UBE2G1: variants seen among roughly 807,000 people sequenced by gnomAD.
The protein encoded by UBE2G1 is ubiquitin-conjugating enzyme E2 G1.
Under a neutral mutation model 22.7 loss-of-function variants are expected in UBE2G1, and 5 were observed. That is an observed-to-expected ratio of 0.22 (90% CI 0.12 to 0.46). UBE2G1 has a LOEUF of 0.46. UBE2G1 is among the 20% of genes least tolerant of loss of function. UBE2G1 has a pLI of 0.99. For missense variants in UBE2G1, 88 were observed against 203.9 expected (o/e 0.43, Z 3.46); for synonymous variants, 74 against 67.5 (o/e 1.10, Z -0.47).
intron 1 of UBE2G1, among the ~76,000 whole-genome samples, chr17:4,309,598 G>C (rs1282609754): frequency 6.6e-6 from 1 of 152,126 alleles, no homozygotes; most frequent in African/African-American, 2.4e-5. Flanking sequence ...GTCAACTGAG[G>C]AACAGAGTGC....
At chr17:4,354,348 A>G (rs1969879868) in intron 1 of UBE2G1, among the ~76,000 whole-genome samples, 1 of 152,142 alleles carries the variant, frequency 6.6e-6, no homozygotes, top group Admixed American at 6.6e-5. Context: ...TAGTACACAA[A>G]ATGGGCATCA....
intron 1 of UBE2G1, chr17:4,364,299 T>TC: frequency 6.8e-6 from 1 of 147,466 alleles, no homozygotes; most frequent in Non-Finnish European, 1.5e-5. Flanking sequence ...AGTTCTTTTT[T>TC]TTTTTTTTTG....
At chr17:4,362,982 A>G (rs191865922) in intron 1 of UBE2G1, among the ~76,000 whole-genome samples, 338 of 152,172 alleles carry the variant, frequency 2.2e-3, no homozygotes, top group African/African-American at 7.7e-3. Flanking sequence ...AATTGGCCAG[A>G]CACAGTGGAG....
chr17:4,303,600 T>A (rs2143725236), intron 2 of UBE2G1, among the ~76,000 whole-genome samples: 1 of 152,322 alleles, frequency 6.6e-6, no homozygotes, highest in South Asian at 2.1e-4. Context: ...ATAAACCGCA[T>A]GGCATTACCA....
chr17:4,360,377 A>G (rs981003727), intron 1 of UBE2G1, among the ~76,000 whole-genome samples: 1 of 152,200 alleles, frequency 6.6e-6, no homozygotes, highest in African/African-American at 2.4e-5. Context: ...CCCTCCTGCC[A>G]ACAAAAAAAT....
At chr17:4,273,727 G>T (rs1379336047) in intron 5 of UBE2G1, among the ~76,000 whole-genome samples, 1 of 151,608 alleles carries the variant, frequency 6.6e-6, no homozygotes, top group Non-Finnish European at 1.5e-5. Flanking sequence ...GGGGGTGGGT[G>T]GGGGCGCCAA....
At chr17:4,313,786 C>T (rs1196179786) in intron 1 of UBE2G1, among the ~76,000 whole-genome samples, 1 of 152,118 alleles carries the variant, frequency 6.6e-6, no homozygotes, top group African/African-American at 2.4e-5. Context: ...CTCAGTAAAT[C>T]CTGGAGTATC....
At chr17:4,331,951 A>C (rs562607773) in intron 1 of UBE2G1, 7 of 152,304 alleles carry the variant, frequency 4.6e-5, no homozygotes, top group African/African-American at 1.4e-4. Flanking sequence ...TAAACACTAT[A>C]AATATATTAT....
chr17:4,272,335 T>C lies in UBE2G1; in HGVS notation c.*219A>G, dbSNP rs915089799. Reference sequence around the variant, plus strand: ...TCTTCCTGAAGGTTAAAACAGTTCATTAGAATTCAAAATGCGTAATCATCT... The same window carrying C: ...TCTTCCTGAAGGTTAAAACAGTTCACTAGAATTCAAAATGCGTAATCATCT... On this transcript the variant is annotated 3_prime_UTR_variant, in exon 6 of 6. Transcript: ENST00000396981. The C allele has an allele frequency of 1.7e-5, 3 of 174,810 alleles. No homozygotes were observed. Among genetic ancestry groups the C allele is most frequent in the Non-Finnish European group, 3.7e-5 (3 of 82,168 alleles). The allele number at this position is 174,810 out of a possible 1,614,324, so 10.8% of individuals were successfully genotyped here. A position where few individuals can be genotyped will look rare whatever the true frequency, so the allele number is the denominator to read the frequency against.
At chr17:4,348,806 A>C (rs965825974) in intron 1 of UBE2G1, among the ~76,000 whole-genome samples, 1 of 151,976 alleles carries the variant, frequency 6.6e-6, no homozygotes, top group Non-Finnish European at 1.5e-5. Context: ...GGTTGCAGTC[A>C]GCTGAGATTA....
intron 1 of UBE2G1, among the ~76,000 whole-genome samples, chr17:4,353,247 T>C (rs1163579266): frequency 6.6e-6 from 1 of 151,528 alleles, no homozygotes; most frequent in East Asian, 1.9e-4. Flanking sequence ...ACAAAAACTT[T>C]GAAAGAAAAA....
At chr17:4,303,453 AGG>A (rs892747815) in intron 2 of UBE2G1, among the ~76,000 whole-genome samples, 1 of 152,220 alleles carries the variant, frequency 6.6e-6, no homozygotes, top group Non-Finnish European at 1.5e-5. Flanking sequence ...TCCTAAGCAT[AGG>A]GTTTTTACCC....
intron 1 of UBE2G1, among the ~76,000 whole-genome samples, chr17:4,309,277 T>A (rs981282406): frequency 3.9e-5 from 6 of 152,130 alleles, no homozygotes; most frequent in Non-Finnish European, 8.8e-5. Flanking sequence ...AAATAAAAAA[T>A]TTATGTTTAA....
intron 5 of UBE2G1, among the ~76,000 whole-genome samples, chr17:4,279,716 A>G (rs1968860428): frequency 2.9e-5 from 4 of 135,904 alleles, no homozygotes; most frequent in South Asian, 2.5e-4. Flanking sequence ...CGGAGATTGC[A>G]GTGAGCCGAG....
At chr17:4,363,166 C>T (rs781302909) in intron 1 of UBE2G1, among the ~76,000 whole-genome samples, 12 of 152,168 alleles carry the variant, frequency 7.9e-5, no homozygotes, top group African/African-American at 2.2e-4. Flanking sequence ...GTGTAGTTAT[C>T]GAATCTTTCC....
At chr17:4,295,520 G>A (rs1458925126) in intron 3 of UBE2G1, among the ~76,000 whole-genome samples, 1 of 152,018 alleles carries the variant, frequency 6.6e-6, no homozygotes, top group Non-Finnish European at 1.5e-5. Flanking sequence ...TTCCTGTCTC[G>A]CTGATTCCAG....
intron 1 of UBE2G1, 85 bp from the exon 2 acceptor site, chr17:4,307,208 T>C: frequency 8.4e-7 from 1 of 1,184,516 alleles, no homozygotes; most frequent in Admixed American, 1.9e-5. Flanking sequence ...AGCGTACATG[T>C]TTTATGTAAG....
rs1243851807 is a variant in UBE2G1, at chr17:4,341,414, G to T, written c.46+24857C>A. Among the ~76,000 whole-genome samples the T allele has an allele frequency of 2.0e-5, 3 of 151,940 alleles. No individual in the cohort carries two copies. In the East Asian group the frequency reaches 5.8e-4, roughly 29 times the overall value. ...ATCAACTGCCCTTGCTCCTAATAAG[G>T]CTTCCAAACTGGCCAGTAATTAGAT... On this transcript the variant is annotated intron_variant, in intron 1 of 5. Coordinates refer to ENST00000396981, the MANE Select transcript of UBE2G1 (RefSeq NM_003342.5).
At chr17:4,365,216 A>G (rs1193566443) in intron 1 of UBE2G1, among the ~76,000 whole-genome samples, 1 of 152,202 alleles carries the variant, frequency 6.6e-6, no homozygotes, top group Non-Finnish European at 1.5e-5. Flanking sequence ...TGAACTGAGA[A>G]TGACACACGC....
Sources: gnomAD v4.1 joint callset for allele counts (sites outside exome capture counted in the v4.1 genomes callset) on GRCh38, gnomAD v4.1.1 for gene constraint, MANE v1.5 for transcripts, NCBI Gene and HGNC (gene_info 2026-07-23, HGNC 2026-07-21) for gene names.